FGF13: variants seen among roughly 807,000 people sequenced by gnomAD.
The protein encoded by FGF13 is fibroblast growth factor 13.
In FGF13, 2 loss-of-function variants were observed where a neutral mutation model predicts 19.5. That is an observed-to-expected ratio of 0.10 (90% CI 0.04 to 0.32). The LOEUF (loss-of-function observed/expected upper bound fraction) is 0.32, where lower values mean the gene tolerates loss of function less well. Ranked by LOEUF, FGF13 falls within the 10% of genes least tolerant of loss-of-function variation. The pLI is 1.00. For synonymous variants in FGF13, 72 were observed against 76.9 expected (o/e 0.94, Z 0.33); for missense variants, 113 against 192.7 (o/e 0.59, Z 2.45).
chrX:138,965,493 C>T (rs2091891125), intron 1 of FGF13, among the ~76,000 whole-genome samples: 1 of 111,441 alleles, frequency 9.0e-6, no homozygotes, highest in Non-Finnish European at 1.9e-5. Flanking sequence ...CATCCAGGTG[C>T]CCGTCTATAT....
chrX:138,865,278 C>T (rs1387820976), intron 1 of FGF13, among the ~76,000 whole-genome samples: 1 of 111,828 alleles, frequency 8.9e-6, no homozygotes, highest in South Asian at 3.8e-4. Flanking sequence ...CATGTTGCCA[C>T]ACCAGATCAA....
intron 3 of FGF13, among the ~76,000 whole-genome samples, chrX:138,649,312 C>A (rs1167038904): frequency 8.9e-6 from 1 of 111,900 alleles, no homozygotes; most frequent in Non-Finnish European, 1.9e-5. Context: ...ACAAACAACA[C>A]TCCTTCCCCA....
At chrX:138,984,541 A>G (rs868370813) in intron 1 of FGF13, among the ~76,000 whole-genome samples, 1 of 32,039 alleles carries the variant, frequency 3.1e-5, no homozygotes, top group Non-Finnish European at 6.1e-5. Context: ...AAGAAGAAGA[A>G]GAAGAAGAAG....
At chrX:138,703,122 A>G (rs1459284418) in intron 2 of FGF13, 35 bp from the exon 3 acceptor site, 2 of 1,059,761 alleles carry the variant, frequency 1.9e-6, no homozygotes, top group South Asian at 3.8e-5. Flanking sequence ...ACAGTGTTAC[A>G]ATTCTGAATT....
At chrX:138,878,258 G>A (rs1428516984) in intron 1 of FGF13, among the ~76,000 whole-genome samples, 6 of 105,388 alleles carry the variant, frequency 5.7e-5, no homozygotes, top group Admixed American at 3.1e-4. Flanking sequence ...CCATTAATTC[G>A]TCATTTAACA....
At chrX:139,029,696 G>A (rs1314627494) in intron 1 of FGF13, among the ~76,000 whole-genome samples, 1 of 111,495 alleles carries the variant, frequency 9.0e-6, no homozygotes, top group Non-Finnish European at 1.9e-5. Flanking sequence ...TGTGATCTCT[G>A]GCTCTCCTAC....
At chrX:138,972,766 C>T (rs971330946) in intron 1 of FGF13, among the ~76,000 whole-genome samples, 1 of 111,433 alleles carries the variant, frequency 9.0e-6, no homozygotes, top group African/African-American at 3.3e-5. Context: ...TTAGCGATAT[C>T]GAGCATTTTT....
intron 1 of FGF13, among the ~76,000 whole-genome samples, chrX:138,917,726 TTTTTTAC>T (rs917674875): frequency 3.6e-5 from 4 of 112,146 alleles, no homozygotes; most frequent in Non-Finnish European, 7.5e-5. Context: ...TATTTTTCCT[TTTTTTAC>T]TTTTAAGTTG....
intron 3 of FGF13, among the ~76,000 whole-genome samples, chrX:138,665,290 G>A (rs1271373590): frequency 9.0e-6 from 1 of 110,870 alleles, no homozygotes; most frequent in African/African-American, 3.3e-5. Context: ...GGCTACCTGG[G>A]GTTCAGCTCG....
At chrX:139,139,214 C>T (rs756000020) in intron 1 of FGF13, among the ~76,000 whole-genome samples, 5 of 111,536 alleles carry the variant, frequency 4.5e-5, no homozygotes, top group East Asian at 2.8e-4. Context: ...AATAGAGGCA[C>T]GAGCCACCAT....
intron 1 of FGF13, among the ~76,000 whole-genome samples, chrX:138,983,560 C>T (rs1362498482): frequency 9.2e-6 from 1 of 108,189 alleles, no homozygotes; most frequent in Non-Finnish European, 1.9e-5. Context: ...GAAATTGGAA[C>T]CTATATACAC....
At chrX:139,127,770 G>A (rs2083727963) in intron 1 of FGF13, among the ~76,000 whole-genome samples, 1 of 111,302 alleles carries the variant, frequency 9.0e-6, no homozygotes, top group Non-Finnish European at 1.9e-5. Context: ...TGGTAACTTT[G>A]ACATATGACC....
In FGF13 at chrX:139,194,705, G is replaced by A. The variant is rs190070373; in HGVS notation, c.-113+8711C>T. Among the ~76,000 whole-genome samples the A allele has an allele frequency of 1.8e-4, 20 of 111,474 alleles. No homozygotes were observed. The East Asian group carries it at 5.4e-3, about 30-fold the overall frequency. On this transcript the variant is annotated intron_variant, in intron 1 of 2. Coordinates refer to the FGF13 transcript ENST00000421460. ...GGCGCGCCTCCCTGAGCCCCGCCCG[G>A]CCACCACCAGCGCTGCTCTGACCGC...
intron 1 of FGF13, among the ~76,000 whole-genome samples, chrX:139,150,448 C>A (rs1349816972): frequency 6.2e-5 from 7 of 112,400 alleles, no homozygotes; most frequent in African/African-American, 1.9e-4. Context: ...ACCCACCTAT[C>A]CACAATGACT....
chrX:139,132,869 A>G (rs901238086), intron 1 of FGF13, among the ~76,000 whole-genome samples: 6 of 112,095 alleles, frequency 5.4e-5, no homozygotes, highest in Non-Finnish European at 5.6e-5. Flanking sequence ...TCATTTTAGT[A>G]GAGTGAAAAT....
chrX:139,033,406 C>T (rs377412343), intron 1 of FGF13, among the ~76,000 whole-genome samples: 5 of 111,523 alleles, frequency 4.5e-5, no homozygotes, highest in South Asian at 7.4e-4. Context: ...AGACCTTTAT[C>T]GATCACTGAC....
At chrX:138,776,896 G>T (rs933782856) in intron 3 of FGF13, among the ~76,000 whole-genome samples, 1 of 110,744 alleles carries the variant, frequency 9.0e-6, no homozygotes, top group East Asian at 2.8e-4. Context: ...CTGCTCCTCT[G>T]CCCAAAGTAT....
intron 1 of FGF13, among the ~76,000 whole-genome samples, chrX:139,202,353 A>G (rs2084421560): frequency 8.9e-6 from 1 of 112,070 alleles, no homozygotes; most frequent in African/African-American, 3.3e-5. Flanking sequence ...CTGGGCCCTC[A>G]GTGGAAAACA....
intron 3 of FGF13, among the ~76,000 whole-genome samples, chrX:138,688,446 A>G (rs765667700): frequency 1.5e-4 from 17 of 111,814 alleles, no homozygotes; most frequent in African/African-American, 3.9e-4. Flanking sequence ...AATTTATTGT[A>G]TCTTTCAAAA....
Sources: allele counts gnomAD v4.1 joint callset (sites outside exome capture counted in the v4.1 genomes callset), GRCh38; gene constraint gnomAD v4.1.1; transcripts MANE v1.5; gene names NCBI Gene and HGNC (gene_info 2026-07-23, HGNC 2026-07-21).